The following TARBP1 variants were observed in gnomAD, a reference collection of about 807,000 sequenced individuals.
TARBP1 encodes tRNA guanosine 2 -O-methyltransferase TARBP1.
A neutral mutation model predicts 178.6 loss-of-function variants in TARBP1; 144 were observed. The ratio of observed to expected loss-of-function variants is 0.81; its 90% confidence interval spans 0.70 to 0.93. TARBP1 has a LOEUF of 0.93. Among genes scored for constraint, TARBP1 ranks in the 40% least tolerant of loss-of-function variants. The probability of loss-of-function intolerance (pLI) is 0.00; values close to 1 mark genes in which losing one functional copy is unlikely to be tolerated. For missense variants in TARBP1, 2,067 were observed against 2,011.7 expected, an observed-to-expected ratio of 1.03 and a Z score of -0.53; for synonymous variants, 787 against 781.0, an observed-to-expected ratio of 1.01 and a Z score of -0.13.
At chr1:234,407,754 C>T (rs1424472070) in intron 23 of TARBP1, 1 of 152,184 alleles carries the variant, frequency 6.6e-6, no homozygotes, top group African/African-American at 2.4e-5. Context: ...CAGCTTCAGC[C>T]ACTGGGAACA....
intron 12 of TARBP1, among the ~76,000 whole-genome samples, chr1:234,445,038 C>A (rs1248084093): frequency 6.6e-6 from 1 of 152,174 alleles, no homozygotes; most frequent in African/African-American, 2.4e-5. Context: ...ATTTTCATTT[C>A]TCTCCGAGTG....
Position 234,450,450 on chromosome 1 carries a change from A to G in TARBP1, c.1839T>C (p.Tyr613=). The G allele has an allele frequency of 6.3e-7, 1 of 1,598,762 alleles. No individual in the cohort carries two copies. The highest frequency in any genetic ancestry group is 1.8e-5 in the Admixed American group (1 of 56,270). ...NAYVKSIVQE[Y]VKSSAWETGE... ...TACTTTCCCAAGCAGATGACTTAAC[A>G]TACTCTTGAACAATGCTCTTTACAT... The change falls in exon 10 of 30, where the codon TAT becomes TAC. Residue 613 remains tyrosine (Y), a synonymous_variant. Coordinates refer to ENST00000040877, the MANE Select transcript of TARBP1 (RefSeq NM_005646.4).
At chr1:234,393,058 A>T (rs963970086) in intron 28 of TARBP1, among the ~76,000 whole-genome samples, 1 of 152,118 alleles carries the variant, frequency 6.6e-6, no homozygotes. Context: ...CTACATCAAG[A>T]GTGGGCTGTA....
At chr1:234,438,070 G>C (rs963806605) in intron 12 of TARBP1, among the ~76,000 whole-genome samples, 2 of 152,160 alleles carry the variant, frequency 1.3e-5, no homozygotes, top group Admixed American at 1.3e-4. Context: ...CATGGCAAAG[G>C]AGGTGAAGAC....
At position 234,433,485 on chromosome 1, in the gene TARBP1, A is replaced by T. The variant is rs1388402693; in HGVS notation, c.2319T>A (p.Gly773=). ...GAGAAATAACTCTCCAGATAGGGTT[A>T]CCCCTTTTCCACCCAACCTTCAAAT... The part of the protein sequence containing the change: ...NLHLKVGWKR[G]NPIWRVISLL... The change falls in exon 14 of 30, where the codon GGT becomes GGA. Residue 773 remains glycine (G), a synonymous_variant. Coordinates refer to ENST00000040877, the MANE Select transcript of TARBP1 (RefSeq NM_005646.4). 1 of 1,614,132 alleles carries T rather than the reference A, an allele frequency of 6.2e-7. No individual in the cohort carries two copies. The highest frequency in any genetic ancestry group is 8.5e-7 in the Non-Finnish European group (1 of 1,180,002).
At chr1:234,478,092 G>T in intron 1 of TARBP1, 81 bp downstream of exon 1, 1 of 1,393,168 alleles carries the variant, frequency 7.2e-7, no homozygotes, top group Non-Finnish European at 9.9e-7. Context: ...ACCCCGATAA[G>T]CTAGTTTTTA....
intron 26 of TARBP1, among the ~76,000 whole-genome samples, chr1:234,394,887 T>G (rs76425854): frequency 2.0e-5 from 3 of 151,602 alleles, no homozygotes; most frequent in Non-Finnish European, 4.4e-5. Flanking sequence ...GTCAGGAGTT[T>G]GAGACCAGCC....
intron 23 of TARBP1, among the ~76,000 whole-genome samples, chr1:234,409,926 T>A (rs183024882): frequency 7.2e-5 from 11 of 152,336 alleles, no homozygotes; most frequent in Non-Finnish European, 1.3e-4. Flanking sequence ...GATTTCTGCC[T>A]ATCTGTGTGA....
intron 9 of TARBP1, among the ~76,000 whole-genome samples, chr1:234,457,030 G>A (rs1290830096): frequency 2.6e-5 from 4 of 152,122 alleles, no homozygotes; most frequent in Non-Finnish European, 4.4e-5. Flanking sequence ...ACTAAACCCC[G>A]TGGTTTACAA....
chr1:234,408,644 C>A (rs181868798), intron 23 of TARBP1, among the ~76,000 whole-genome samples: 51 of 152,278 alleles, frequency 3.3e-4, no homozygotes, highest in African/African-American at 1.2e-3. Flanking sequence ...CATCTGATCT[C>A]GTGGCCCCCA....
intron 14 of TARBP1, among the ~76,000 whole-genome samples, chr1:234,432,036 C>A (rs1266541552): frequency 2.0e-5 from 3 of 150,940 alleles, no homozygotes; most frequent in African/African-American, 7.3e-5. Flanking sequence ...ACTCAGGAGG[C>A]TGAGGCAGGA....
intron 14 of TARBP1, 66 bp downstream of exon 14, chr1:234,433,344 A>T: frequency 2.7e-6 from 4 of 1,490,486 alleles, no homozygotes; most frequent in Non-Finnish European, 3.7e-6. Flanking sequence ...GTGTATAAGA[A>T]CTGAATATGT....
chr1:234,478,247 T>C lies in TARBP1; in HGVS notation c.857A>G (p.Tyr286Cys), dbSNP rs573922011. 3.7e-6 allele frequency: 6 copies of C among 1,609,602 alleles called. No individual in the cohort carries two copies. In the Admixed American group the frequency reaches 5.0e-5, roughly 13 times the overall value. ...CACCTCCACCGCCCTCTGCAGCAGG[T>C]AGCGCGCTCGCTTGCGCGTCAGGGC... ...ADALTRKRARYLLQRAVEVSA... is the reference protein window; with the variant it reads ...ADALTRKRARCLLQRAVEVSA... Residue 286 changes from tyrosine to cysteine, a missense_variant, in exon 1 of 30, where the codon TAC becomes TGC. Tyr to Cys is a radical substitution (Grantham distance 194, BLOSUM62 -2). Coordinates refer to ENST00000040877, the MANE Select transcript of TARBP1 (RefSeq NM_005646.4).
intron 7 of TARBP1, among the ~76,000 whole-genome samples, chr1:234,459,869 CTT>C (rs1029032025): frequency 2.0e-5 from 3 of 151,402 alleles, no homozygotes; most frequent in South Asian, 2.1e-4. Context: ...TACTGAAATA[CTT>C]TTTCTTTTTT....
In TARBP1 at chr1:234,478,974, C is replaced by G. The variant is rs1355067656; in HGVS notation, c.130G>C (p.Glu44Gln). ...ETLRFLLQRL[E>Q]DEEARGSGGA... is the part of the protein sequence containing the mutation. ...CCGCTGCCGCGCGCCTCCTCGTCCT[C>G]GAGCCGCTGCAGAAGGAAGCGCAGC... Residue 44 changes from glutamate (E) to glutamine (Q), a missense_variant, in exon 1 of 30, where the codon GAG (glutamate) becomes CAG (glutamine). Coordinates refer to ENST00000040877, the MANE Select transcript of TARBP1 (RefSeq NM_005646.4). 1.4e-6 allele frequency: 2 copies of G among 1,476,686 alleles called. No homozygotes were observed. Among genetic ancestry groups the G allele is most frequent in the East Asian group, 3.0e-5 (1 of 33,772 alleles). 91.5% of individuals were successfully genotyped at this position (1,476,686 alleles called of 1,614,324 possible). A position where few individuals can be genotyped will look rare whatever the true frequency, so the allele number is the denominator to read the frequency against.
chr1:234,456,615 TCATA>T (rs1250710978), intron 9 of TARBP1, among the ~76,000 whole-genome samples: 5 of 152,236 alleles, frequency 3.3e-5, no homozygotes, highest in Admixed American at 6.5e-5. Context: ...GCTAAAATGC[TCATA>T]TATATGTGAA....
At chr1:234,476,485 G>C (rs547614592) in intron 1 of TARBP1, among the ~76,000 whole-genome samples, 4 of 152,312 alleles carry the variant, frequency 2.6e-5, no homozygotes, top group African/African-American at 9.6e-5. Context: ...GGGACTCTGG[G>C]AGAAACTTCT....
rs950657362 is a variant in TARBP1 at position 234,474,184 on chromosome 1, T to C, written c.932-1373A>G. Among the ~76,000 whole-genome samples the C allele has an allele frequency of 6.6e-5, 10 of 151,232 alleles. No individual in the cohort carries two copies. The East Asian group carries it at 9.8e-4, about 15-fold the overall frequency. On this transcript the variant is annotated intron_variant, in intron 1 of 29. Transcript: ENST00000040877. ...ACTTGAGCCCAGTATTTTGAAGTTA[T>C]AGTGAGCTATAATCACGCCACTGCA...
rs761233323 is a variant in TARBP1, at chr1:234,429,684, T to C, written c.2610-7A>G. On this transcript the variant is annotated splice_region_variant and splice_polypyrimidine_tract_variant and intron_variant, in intron 15 of 29. Transcript: ENST00000040877. Reference sequence around the variant, plus strand: ...TGACGATTCTTCCAAAACACTGAAATAAAAAATAAAGTTACTAGGCCATAC... The same window carrying C: ...TGACGATTCTTCCAAAACACTGAAACAAAAAATAAAGTTACTAGGCCATAC... 1 of 1,560,192 alleles carries C rather than the reference T, an allele frequency of 6.4e-7. No homozygotes were observed. The highest frequency in any genetic ancestry group is 1.2e-5 in the South Asian group (1 of 85,562).
Sources: allele counts gnomAD v4.1 joint callset (sites outside exome capture counted in the v4.1 genomes callset), GRCh38; gene constraint gnomAD v4.1.1; transcripts MANE v1.5; gene names NCBI Gene and HGNC (gene_info 2026-07-23, HGNC 2026-07-21).